CTXND1: variants seen among roughly 807,000 people sequenced by gnomAD.
CTXND1 encodes the protein cortexin domain containing 1.
At position 80,221,506 on chromosome 15, in the gene CTXND1, C is replaced by A. The variant is rs192196854; in HGVS notation, c.-217-17766G>T. ...GCTGAGATGGGAGGATCACTAGAGC[C>A]GAGGTGTTCCAGGCTGCAGTGAGGT... On this transcript the variant is annotated intron_variant, in intron 1 of 2. Coordinates refer to ENST00000560778, the MANE Select transcript of CTXND1 (RefSeq NM_001352888.2). 9.9e-5 allele frequency among the ~76,000 whole-genome samples: 15 copies of A among 152,208 alleles called. No individual in the cohort carries two copies. In the East Asian group the frequency reaches 2.9e-3, roughly 29 times the overall value.
Position 80,195,845 on chromosome 15 carries a change from G to A in CTXND1, c.*5925C>T, listed in dbSNP as rs2041417528. 6.6e-6 allele frequency: 1 copy of A among 152,144 alleles called. No homozygotes were observed. The allele number at this position is 152,144 out of a possible 1,614,324, so 9.4% of individuals were successfully genotyped here. ...ATGGCCTTTAACCAAGAAACCTTAG[G>A]TTTTGTGGGTTTGGAAATCTCTAGT... On this transcript the variant is annotated 3_prime_UTR_variant, in exon 3 of 3. Transcript: ENST00000560778.
intron 1 of CTXND1, among the ~76,000 whole-genome samples, chr15:80,207,509 T>C (rs1257063408): frequency 6.6e-6 from 1 of 152,246 alleles, no homozygotes; most frequent in African/African-American, 2.4e-5. Flanking sequence ...TCATAATTTT[T>C]TTGAAGTCCT....
At chr15:80,229,228 C>A (rs554229498) in intron 1 of CTXND1, among the ~76,000 whole-genome samples, 1 of 152,164 alleles carries the variant, frequency 6.6e-6, no homozygotes, top group Non-Finnish European at 1.5e-5. Flanking sequence ...CGCACCCTGA[C>A]TGGGGCTGGA....
rs182575128 is a variant in CTXND1 at position 80,242,067 on chromosome 15, A to G, written c.-218+9940T>C. Among the ~76,000 whole-genome samples, 93 of 152,314 alleles carry G rather than the reference A, an allele frequency of 6.1e-4. 1 individual carries two copies. The highest frequency in any genetic ancestry group is 2.1e-3 in the African/African-American group (86 of 41,560). ...AGAGGCTACCTGGTCTGGACAGGACATTCCTGTTTTATAGAAGAGAAACTG... is the reference window on the plus strand; with the variant it reads ...AGAGGCTACCTGGTCTGGACAGGACGTTCCTGTTTTATAGAAGAGAAACTG... On this transcript the variant is annotated intron_variant, in intron 1 of 2. Coordinates refer to ENST00000560778, the MANE Select transcript of CTXND1 (RefSeq NM_001352888.2).
At chr15:80,250,131 G>T (rs571945025) in intron 1 of CTXND1, among the ~76,000 whole-genome samples, 1 of 152,162 alleles carries the variant, frequency 6.6e-6, no homozygotes, top group Non-Finnish European at 1.5e-5. Context: ...AACTATTTTA[G>T]GGTTGCAGAT....
chr15:80,220,921 T>A lies in CTXND1; in HGVS notation c.-217-17181A>T, dbSNP rs927697289. ...TATTATTATTATTATTATTTTTTTTTTTTTTGAGACAGAGTCTCGCTCTGT... is the reference window on the plus strand; with the variant it reads ...TATTATTATTATTATTATTTTTTTTATTTTTGAGACAGAGTCTCGCTCTGT... On this transcript the variant is annotated intron_variant, in intron 1 of 2. Coordinates refer to ENST00000560778, the MANE Select transcript of CTXND1 (RefSeq NM_001352888.2). 2.4e-3 allele frequency among the ~76,000 whole-genome samples: 355 copies of A among 149,542 alleles called. 3 individuals carry two copies. The highest frequency in any genetic ancestry group is 8.4e-3 in the African/African-American group (347 of 41,146).
rs1330063845 is a variant in CTXND1, at chr15:80,196,443, G to T, written c.*5327C>A. On this transcript the variant is annotated 3_prime_UTR_variant, in exon 3 of 3. Transcript: ENST00000560778. The stretch of plus-strand genomic sequence containing the variant: ...AGAAAGTAGAGGGGCTATGGAATGG[G>T]TGGTGGGAGAACAAGACTGCAGTTA... The T allele has an allele frequency of 6.6e-6, 1 of 152,206 alleles. No homozygotes were observed. Among genetic ancestry groups the T allele is most frequent in the Non-Finnish European group, 1.5e-5 (1 of 68,046 alleles). The allele number at this position is 152,206 out of a possible 1,614,324, so 9.4% of individuals were successfully genotyped here.
chr15:80,204,885 G>A lies in CTXND1; in HGVS notation c.-217-1145C>T, dbSNP rs533170348. The stretch of plus-strand genomic sequence containing the variant: ...TTGAGGATTAAATTGAACATTTTGC[G>A]TAATTAATAGTTGTACACTTTTCAA... On this transcript the variant is annotated intron_variant, in intron 1 of 2. Transcript: ENST00000560778. 9.2e-5 allele frequency among the ~76,000 whole-genome samples: 14 copies of A among 152,076 alleles called. No homozygotes were observed. In the South Asian group the frequency reaches 1.0e-3, roughly 11 times the overall value.
chr15:80,206,680 T>C (rs543712371), intron 1 of CTXND1, among the ~76,000 whole-genome samples: 234 of 152,336 alleles, frequency 1.5e-3, no homozygotes, highest in African/African-American at 5.3e-3. Flanking sequence ...TTGTCAACTT[T>C]AGATGTATAT....
intron 1 of CTXND1, among the ~76,000 whole-genome samples, chr15:80,245,196 G>T (rs1393680889): frequency 6.6e-6 from 1 of 152,154 alleles, no homozygotes; most frequent in African/African-American, 2.4e-5. Context: ...GCTCATAGCT[G>T]AACAGTTTGG....
intron 1 of CTXND1, among the ~76,000 whole-genome samples, chr15:80,239,157 C>T (rs1369944876): frequency 4.6e-5 from 7 of 152,172 alleles, no homozygotes; most frequent in Non-Finnish European, 8.8e-5. Context: ...GAGGCTCTGC[C>T]GTCTGAAGCC....
At chr15:80,241,053 G>A (rs1488600802) in intron 1 of CTXND1, among the ~76,000 whole-genome samples, 1 of 152,210 alleles carries the variant, frequency 6.6e-6, no homozygotes, top group Admixed American at 6.5e-5. Flanking sequence ...ACATTTTGTT[G>A]ATGCTCATTG....
At chr15:80,204,647 GTA>G (rs35359063) in intron 1 of CTXND1, among the ~76,000 whole-genome samples, 4,206 of 131,298 alleles carry the variant, frequency 0.032, 110 homozygotes, top group Non-Finnish European at 0.033. Context: ...ATATTCCATT[GTA>G]TATATATATA....
At chr15:80,217,848 A>G (rs1352949146) in intron 1 of CTXND1, among the ~76,000 whole-genome samples, 2 of 152,258 alleles carry the variant, frequency 1.3e-5, no homozygotes, top group East Asian at 3.9e-4. Flanking sequence ...TGGCCAGCCC[A>G]CTAATAGTTT....
At chr15:80,220,624 T>C (rs1263027058) in intron 1 of CTXND1, among the ~76,000 whole-genome samples, 2 of 152,208 alleles carry the variant, frequency 1.3e-5, no homozygotes, top group Admixed American at 6.5e-5. Flanking sequence ...TATGATTTAA[T>C]TAATAATGAA....
At chr15:80,210,130 T>C (rs1484884827) in intron 1 of CTXND1, among the ~76,000 whole-genome samples, 1 of 152,224 alleles carries the variant, frequency 6.6e-6, no homozygotes, top group Non-Finnish European at 1.5e-5. Context: ...AACACAGGCC[T>C]GGCCAGGCAG....
At chr15:80,214,284 A>G (rs573557265) in intron 1 of CTXND1, among the ~76,000 whole-genome samples, 11 of 152,276 alleles carry the variant, frequency 7.2e-5, no homozygotes, top group South Asian at 4.1e-4. Flanking sequence ...GATAACATTT[A>G]AAGATAACAT....
chr15:80,238,350 T>C (rs527314410), intron 1 of CTXND1, among the ~76,000 whole-genome samples: 1 of 152,230 alleles, frequency 6.6e-6, no homozygotes, highest in Non-Finnish European at 1.5e-5. Flanking sequence ...CTTTGTGCTA[T>C]AATTGTGTCA....
At chr15:80,243,774 G>T (rs1893597173) in intron 1 of CTXND1, among the ~76,000 whole-genome samples, 1 of 152,178 alleles carries the variant, frequency 6.6e-6, no homozygotes, top group Non-Finnish European at 1.5e-5. Flanking sequence ...AGTGAGATGA[G>T]TCCCTTCAGT....
Sources: allele counts gnomAD v4.1 joint callset (sites outside exome capture counted in the v4.1 genomes callset), GRCh38; gene constraint gnomAD v4.1.1; transcripts MANE v1.5; gene names NCBI Gene and HGNC (gene_info 2026-07-23, HGNC 2026-07-21).